The following DLG2 variants were observed in gnomAD, a reference collection of about 807,000 sequenced individuals.
The protein encoded by DLG2 is disks large homolog 2.
Under a neutral mutation model 132.5 loss-of-function variants are expected in DLG2, and 45 were observed. That is an observed-to-expected ratio of 0.34 (90% CI 0.27 to 0.44). The LOEUF (loss-of-function observed/expected upper bound fraction) is 0.44, where lower values mean the gene tolerates loss of function less well. DLG2 is among the 20% of genes least tolerant of loss of function. DLG2 has a pLI of 1.00. For missense variants in DLG2, 1,045 were observed against 1,196.9 expected, an observed-to-expected ratio of 0.87 and a Z score of 1.87; for synonymous variants, 424 against 419.6, an observed-to-expected ratio of 1.01 and a Z score of -0.13.
Position 83,776,947 on chromosome 11 carries a change from A to C in DLG2, c.1825+9743T>G, listed in dbSNP as rs560136561. On this transcript the variant is annotated intron_variant, in intron 18 of 27. Coordinates refer to ENST00000376104, the MANE Select transcript of DLG2 (RefSeq NM_001142699.3). Reference sequence around the variant, plus strand: ...ACCTAGACTTTAAGATTTTGGATCCAAGTTCTCTTCTTTTTCTTGAGCATT... The same window carrying C: ...ACCTAGACTTTAAGATTTTGGATCCCAGTTCTCTTCTTTTTCTTGAGCATT... Among the ~76,000 whole-genome samples the C allele has an allele frequency of 2.0e-4, 31 of 152,274 alleles. 1 individual carries two copies. In the South Asian group the frequency reaches 6.4e-3, roughly 32 times the overall value.
chr11:83,572,082 G>C (rs566589299), intron 19 of DLG2, among the ~76,000 whole-genome samples: 1 of 151,858 alleles, frequency 6.6e-6, no homozygotes, highest in Admixed American at 6.6e-5. Flanking sequence ...TTATGAGTGG[G>C]TTATCTTTGG....
At chr11:84,416,477 A>G (rs1288070742) in intron 7 of DLG2, among the ~76,000 whole-genome samples, 2 of 152,254 alleles carry the variant, frequency 1.3e-5, no homozygotes, top group Admixed American at 1.3e-4. Context: ...AGCATGAATT[A>G]GAATGAAAGT....
chr11:85,421,870 G>A (rs2152996177), intron 3 of DLG2, among the ~76,000 whole-genome samples: 1 of 152,276 alleles, frequency 6.6e-6, no homozygotes, highest in East Asian at 1.9e-4. Flanking sequence ...AGTTTTTGCA[G>A]TGGTGGGTCG....
At chr11:85,340,032 C>T (rs2082378184) in intron 3 of DLG2, among the ~76,000 whole-genome samples, 1 of 152,186 alleles carries the variant, frequency 6.6e-6, no homozygotes, top group South Asian at 2.1e-4. Flanking sequence ...TGCTTTTACA[C>T]TGTTGGTGCT....
In DLG2 at chr11:84,001,525, C is replaced by T. The variant is rs536379500; in HGVS notation, c.920-20883G>A. Among the ~76,000 whole-genome samples the T allele has an allele frequency of 1.8e-4, 27 of 152,086 alleles. No individual in the cohort carries two copies. The South Asian group carries it at 2.9e-3, about 16-fold the overall frequency. On this transcript the variant is annotated intron_variant, in intron 11 of 27. Coordinates refer to ENST00000376104, the MANE Select transcript of DLG2 (RefSeq NM_001142699.3). ...TAGTGGGGTACTTCAATATCCCACT[C>T]GGCATTAGACAGATCATTTACACAG...
At chr11:84,573,085 T>C (rs2099489652) in intron 6 of DLG2, among the ~76,000 whole-genome samples, 1 of 152,212 alleles carries the variant, frequency 6.6e-6, no homozygotes, top group South Asian at 2.1e-4. Flanking sequence ...CAAATGGTTG[T>C]TGTTAATAAG....
intron 7 of DLG2, among the ~76,000 whole-genome samples, chr11:84,365,845 C>A (rs909349893): frequency 6.6e-6 from 1 of 152,010 alleles, no homozygotes; most frequent in African/African-American, 2.4e-5. Flanking sequence ...GATTGGTGTA[C>A]TTGAAAGTGA....
chr11:83,745,118 A>G (rs918568461), intron 18 of DLG2, among the ~76,000 whole-genome samples: 1 of 152,098 alleles, frequency 6.6e-6, no homozygotes, highest in Non-Finnish European at 1.5e-5. Context: ...ATCGCGATCA[A>G]CTCATCTGCT....
chr11:85,580,730 C>T (rs901765974), intron 3 of DLG2, among the ~76,000 whole-genome samples: 1 of 152,190 alleles, frequency 6.6e-6, no homozygotes, highest in Non-Finnish European at 1.5e-5. Flanking sequence ...GGCAATCTGG[C>T]TCCAGAATCC....
At chr11:84,048,054 A>G (rs1299723992) in intron 11 of DLG2, among the ~76,000 whole-genome samples, 1 of 151,568 alleles carries the variant, frequency 6.6e-6, no homozygotes, top group Non-Finnish European at 1.5e-5. Context: ...TATATCCAGA[A>G]ATAATCAGAA....
chr11:84,911,837 T>C, intron 6 of DLG2, among the ~76,000 whole-genome samples: 1 of 152,206 alleles, frequency 6.6e-6, no homozygotes, highest in African/African-American at 2.4e-5. Flanking sequence ...GTGATTGCTT[T>C]CCCAAGCAAT....
At chr11:84,749,772 C>G (rs1432231027) in intron 6 of DLG2, among the ~76,000 whole-genome samples, 1 of 152,074 alleles carries the variant, frequency 6.6e-6, no homozygotes, top group East Asian at 1.9e-4. Flanking sequence ...TAGTTCTTCC[C>G]AGGGAGAAAG....
At chr11:83,709,149 T>C (rs11233723) in intron 18 of DLG2, among the ~76,000 whole-genome samples, 49,948 of 151,390 alleles carry the variant, frequency 0.33, 9,810 homozygotes, top group African/African-American at 0.55. Flanking sequence ...CCTTCTTAAT[T>C]ATGCAATTCA....
chr11:84,741,224 G>A (rs1565839909), intron 6 of DLG2, among the ~76,000 whole-genome samples: 1 of 151,756 alleles, frequency 6.6e-6, no homozygotes, highest in Non-Finnish European at 1.5e-5. Context: ...CCGCCACTGC[G>A]CCTGGCTAAT....
chr11:83,905,274 G>C (rs761390156), intron 15 of DLG2, among the ~76,000 whole-genome samples: 1 of 152,092 alleles, frequency 6.6e-6, no homozygotes, highest in Non-Finnish European at 1.5e-5. Context: ...AGAAATAAGG[G>C]TCATGATACA....
At chr11:84,500,656 G>C (rs545868946) in intron 7 of DLG2, among the ~76,000 whole-genome samples, 1 of 152,256 alleles carries the variant, frequency 6.6e-6, no homozygotes, top group South Asian at 2.1e-4. Flanking sequence ...AGAGCATCTA[G>C]GAAGTGTCCC....
At chr11:83,869,075 A>C (rs574984019) in intron 16 of DLG2, among the ~76,000 whole-genome samples, 49 of 152,276 alleles carry the variant, frequency 3.2e-4, no homozygotes, top group Non-Finnish European at 5.7e-4. Flanking sequence ...TGTTTATTTA[A>C]CTCAACCTGA....
At chr11:83,933,885 T>C (rs2080895852) in intron 14 of DLG2, among the ~76,000 whole-genome samples, 5 of 152,114 alleles carry the variant, frequency 3.3e-5, no homozygotes, top group Admixed American at 3.3e-4. Flanking sequence ...AGGTGAATAA[T>C]GTGAATAAAG....
At chr11:85,516,107 A>T (rs1031695697) in intron 3 of DLG2, among the ~76,000 whole-genome samples, 1 of 152,040 alleles carries the variant, frequency 6.6e-6, no homozygotes, top group African/African-American at 2.4e-5. Flanking sequence ...GTCACTTCTC[A>T]GACCACAGTG....
Sources: gnomAD v4.1 joint callset for allele counts (sites outside exome capture counted in the v4.1 genomes callset) on GRCh38, gnomAD v4.1.1 for gene constraint, MANE v1.5 for transcripts, NCBI Gene and HGNC (gene_info 2026-07-23, HGNC 2026-07-21) for gene names.